Variants in EPHA6 observed in about 807,000 individuals in gnomAD.
EPHA6 encodes EPH receptor A6, also known as ephrin type-A receptor 6.
A neutral mutation model predicts 112.0 loss-of-function variants in EPHA6; 50 were observed. The ratio of observed to expected loss-of-function variants is 0.45; its 90% CI spans 0.36 to 0.56. EPHA6 has a LOEUF of 0.56. EPHA6 is among the 20% of genes least tolerant of loss of function. EPHA6 has a pLI of 0.00. For missense variants in EPHA6, 1,280 were observed against 1,417.4 expected, an observed-to-expected ratio of 0.90 and a Z score of 1.56; for synonymous variants, 529 against 490.7, an observed-to-expected ratio of 1.08 and a Z score of -1.03.
At chr3:97,557,786 A>C (rs1380467797) in intron 11 of EPHA6, among the ~76,000 whole-genome samples, 1 of 151,858 alleles carries the variant, frequency 6.6e-6, no homozygotes, top group Non-Finnish European at 1.5e-5. Flanking sequence ...TGTGATTTTA[A>C]GATAGCTTGT....
chr3:97,401,469 G>A (rs759903394), intron 5 of EPHA6, among the ~76,000 whole-genome samples: 1 of 151,710 alleles, frequency 6.6e-6, no homozygotes, highest in Non-Finnish European at 1.5e-5. Flanking sequence ...TTGGCATTTT[G>A]TGGTTTATAA....
At chr3:97,150,606 T>A (rs72922337) in intron 3 of EPHA6, among the ~76,000 whole-genome samples, 2,062 of 152,180 alleles carry the variant, frequency 0.014, 51 homozygotes, top group African/African-American at 0.046. Flanking sequence ...GATACTCTGG[T>A]TGCCTTTATA....
intron 3 of EPHA6, among the ~76,000 whole-genome samples, chr3:97,104,173 A>G (rs1018131136): frequency 9.2e-5 from 14 of 152,016 alleles, no homozygotes; most frequent in Admixed American, 7.9e-4. Context: ...GCCAGGACTT[A>G]CAATACTGTG....
chr3:97,277,812 CAGTG>C (rs933772712), intron 5 of EPHA6, among the ~76,000 whole-genome samples: 2 of 152,172 alleles, frequency 1.3e-5, no homozygotes, highest in Non-Finnish European at 2.9e-5. Flanking sequence ...TGCTCCAAGT[CAGTG>C]AGTGAGTGAG....
At chr3:97,469,672 G>A (rs2091165129) in intron 7 of EPHA6, among the ~76,000 whole-genome samples, 1 of 151,692 alleles carries the variant, frequency 6.6e-6, no homozygotes, top group South Asian at 2.1e-4. Flanking sequence ...AATTGGTTGA[G>A]GGCTGAGTCC....
At chr3:96,841,222 G>T (rs1274096490) in intron 1 of EPHA6, among the ~76,000 whole-genome samples, 1 of 152,086 alleles carries the variant, frequency 6.6e-6, no homozygotes, top group Non-Finnish European at 1.5e-5. Flanking sequence ...AGAGACAAAT[G>T]GTTGTACTCT....
intron 3 of EPHA6, among the ~76,000 whole-genome samples, chr3:97,218,086 A>T (rs964595717): frequency 6.6e-6 from 1 of 152,110 alleles, no homozygotes; most frequent in African/African-American, 2.4e-5. Context: ...AGCCTGAACA[A>T]TATGGCAAAA....
At chr3:96,840,031 G>C (rs1332111251) in intron 1 of EPHA6, among the ~76,000 whole-genome samples, 1 of 151,780 alleles carries the variant, frequency 6.6e-6, no homozygotes, top group Non-Finnish European at 1.5e-5. Context: ...AAAGAGTATT[G>C]AAAGAGTTGA....
intron 3 of EPHA6, among the ~76,000 whole-genome samples, chr3:97,026,644 A>G (rs7644543): frequency 0.21 from 31,252 of 152,094 alleles, 4,724 homozygotes; most frequent in East Asian, 0.72. Flanking sequence ...ATGAATAGAC[A>G]CTTTTCAAAA....
At chr3:97,359,499 C>T (rs2084257980) in intron 5 of EPHA6, among the ~76,000 whole-genome samples, 1 of 143,308 alleles carries the variant, frequency 7.0e-6, no homozygotes, top group South Asian at 2.2e-4. Flanking sequence ...TTTTGAAAAT[C>T]TTTTAACAGT....
chr3:97,183,415 A>T (rs1191711429), intron 3 of EPHA6, among the ~76,000 whole-genome samples: 1 of 152,152 alleles, frequency 6.6e-6, no homozygotes, highest in African/African-American at 2.4e-5. Flanking sequence ...CAAAAATGAG[A>T]TTTCATTAAA....
chr3:97,163,414 T>G (rs1032066922), intron 3 of EPHA6, among the ~76,000 whole-genome samples: 1 of 152,180 alleles, frequency 6.6e-6, no homozygotes, highest in African/African-American at 2.4e-5. Context: ...TATCAACATA[T>G]TCAGCTTGAC....
chr3:97,753,777 C>T lies in EPHA6; in HGVS notation c.*5076C>T, dbSNP rs2035956254. ...AATAGATGATTACTCCTGACTATAA[C>T]ATATTACTAAGTGAAATGATAGAAA... On this transcript the variant is annotated 3_prime_UTR_variant, in exon 18 of 18. Transcript: ENST00000389672. Among the ~76,000 whole-genome samples, 1 of 151,954 alleles carries T rather than the reference C, an allele frequency of 6.6e-6. No homozygotes were observed. Among genetic ancestry groups the T allele is most frequent in the Non-Finnish European group, 1.5e-5 (1 of 67,982 alleles).
chr3:97,679,010 T>G (rs2031640258), intron 14 of EPHA6, among the ~76,000 whole-genome samples: 1 of 152,208 alleles, frequency 6.6e-6, no homozygotes, highest in Non-Finnish European at 1.5e-5. Flanking sequence ...TAGTGTTATT[T>G]CTGCCATCTT....
chr3:96,869,715 T>A (rs1007743023), intron 2 of EPHA6, among the ~76,000 whole-genome samples: 1 of 152,112 alleles, frequency 6.6e-6, no homozygotes, highest in African/African-American at 2.4e-5. Context: ...AGATCTTTGT[T>A]ACATAGTTGT....
chr3:97,500,287 T>TA, intron 10 of EPHA6, among the ~76,000 whole-genome samples: 2 of 151,960 alleles, frequency 1.3e-5, no homozygotes, highest in African/African-American at 4.8e-5. Flanking sequence ...AATTTTATTT[T>TA]TTTTTTAAAA....
chr3:97,550,999 C>T (rs1162168148), intron 11 of EPHA6, among the ~76,000 whole-genome samples: 1 of 152,134 alleles, frequency 6.6e-6, no homozygotes, highest in Non-Finnish European at 1.5e-5. Context: ...TAATGTCAGT[C>T]ACATTTATAT....
At chr3:97,228,539 GTA>G (rs112022130) in intron 4 of EPHA6, among the ~76,000 whole-genome samples, 6,852 of 145,586 alleles carry the variant, frequency 0.047, 474 homozygotes, top group African/African-American at 0.15. Flanking sequence ...GTGTGTGTGT[GTA>G]TATATATATA....
intron 3 of EPHA6, among the ~76,000 whole-genome samples, chr3:96,994,732 T>TATATATAGAGAGAGAGAGAGAGAGAGAG (rs1170197805): frequency 2.4e-5 from 2 of 82,204 alleles, no homozygotes; most frequent in Admixed American, 1.5e-4. Context: ...TATATATATA[T>TATATATAGAGAGAGAGAGAGAGAGAGAG]AGAGAGAGAG....
Sources: gnomAD v4.1 joint callset for allele counts (sites outside exome capture counted in the v4.1 genomes callset) on GRCh38, gnomAD v4.1.1 for gene constraint, MANE v1.5 for transcripts, NCBI Gene and HGNC (gene_info 2026-07-23, HGNC 2026-07-21) for gene names.